Variants in VPS13B observed in about 807,000 individuals in gnomAD.
VPS13B encodes the protein vacuolar protein sorting 13 homolog B, also known as intermembrane lipid transfer protein VPS13B.
Under a neutral mutation model 426.4 loss-of-function variants are expected in VPS13B, and 285 were observed. The observed-to-expected ratio is 0.67, with a 90% CI of 0.61 to 0.74. VPS13B has a LOEUF of 0.74. Among genes scored for constraint, VPS13B ranks in the 30% least tolerant of loss-of-function variants. The pLI is 0.00. For missense variants in VPS13B, 4,537 were observed against 4,782.6 expected (o/e 0.95, Z 1.51); for synonymous variants, 1,676 against 1,676.4 (o/e 1.00, Z 0.01).
At chr8:99,175,018 T>C (rs1279344398) in intron 16 of VPS13B, among the ~76,000 whole-genome samples, 1 of 152,214 alleles carries the variant, frequency 6.6e-6, no homozygotes, top group East Asian at 1.9e-4. Flanking sequence ...ATGATTCATG[T>C]TTGAACTGAA....
At chr8:99,561,232 A>G (rs1824905079) in intron 31 of VPS13B, among the ~76,000 whole-genome samples, 1 of 152,170 alleles carries the variant, frequency 6.6e-6, no homozygotes, top group Admixed American at 6.6e-5. Context: ...ATCTGCCTCT[A>G]AATTCACCAA....
Position 99,850,491 on chromosome 8 carries a change from G to C in VPS13B, c.10061+1597G>C, listed in dbSNP as rs922401666. ...TTGGTAACAGATGTGGGGTTAATGAGTTATTTAATATGTAATTATTATTTG... is the reference window on the plus strand; with the variant it reads ...TTGGTAACAGATGTGGGGTTAATGACTTATTTAATATGTAATTATTATTTG... On this transcript the variant is annotated intron_variant, in intron 55 of 61. Coordinates refer to ENST00000357162, the MANE Select transcript of VPS13B (RefSeq NM_152564.5). 2.6e-5 allele frequency among the ~76,000 whole-genome samples: 4 copies of C among 151,904 alleles called. No individual in the cohort carries two copies. In the East Asian group the frequency reaches 7.7e-4, roughly 29 times the overall value.
At chr8:99,610,037 C>A (rs1827775465) in intron 33 of VPS13B, among the ~76,000 whole-genome samples, 1 of 152,220 alleles carries the variant, frequency 6.6e-6, no homozygotes, top group Non-Finnish European at 1.5e-5. Context: ...ACACACCCAA[C>A]TTTCTGTCCC....
intron 19 of VPS13B, chr8:99,340,648 T>C (rs1673378434): frequency 7.2e-6 from 3 of 415,358 alleles, no homozygotes; most frequent in South Asian, 2.0e-5. Flanking sequence ...CAGCACTTTC[T>C]TCCTTGCTAG....
At chr8:99,555,077 A>G (rs1051775330) in intron 30 of VPS13B, among the ~76,000 whole-genome samples, 4 of 152,040 alleles carry the variant, frequency 2.6e-5, no homozygotes, top group African/African-American at 9.7e-5. Context: ...TCCCGTGTTC[A>G]TAACTCTTTC....
chr8:99,616,776 G>C (rs540851034), intron 33 of VPS13B, among the ~76,000 whole-genome samples: 6 of 152,230 alleles, frequency 3.9e-5, no homozygotes, highest in African/African-American at 1.4e-4. Context: ...GGTGAGCCGA[G>C]ATTGCACCAG....
chr8:99,661,848 TA>T (rs1312360777), intron 35 of VPS13B, among the ~76,000 whole-genome samples: 8 of 152,138 alleles, frequency 5.3e-5, no homozygotes, highest in Non-Finnish European at 8.8e-5. Context: ...GAGGATAGAC[TA>T]GATGGATGAA....
chr8:99,029,714 G>A (rs1266383934), intron 2 of VPS13B, among the ~76,000 whole-genome samples: 1 of 151,758 alleles, frequency 6.6e-6, no homozygotes, highest in African/African-American at 2.4e-5. Flanking sequence ...GCAGTGAGCC[G>A]AGATGGCAGC....
intron 13 of VPS13B, 105 bp from the exon 14 acceptor site, chr8:99,147,736 A>G: frequency 1.4e-6 from 1 of 713,080 alleles, no homozygotes; most frequent in Non-Finnish European, 1.9e-6. Context: ...TTGAAAAGAA[A>G]AACAGGATTT....
intron 23 of VPS13B, among the ~76,000 whole-genome samples, chr8:99,460,237 A>G (rs1471745718): frequency 6.6e-6 from 1 of 151,588 alleles, no homozygotes; most frequent in Non-Finnish European, 1.5e-5. Flanking sequence ...AATTTTCTCT[A>G]TTCATTTTTG....
chr8:99,481,782 G>A lies in VPS13B; in HGVS notation c.3850G>A (p.Asp1284Asn), dbSNP rs774749984. The change falls in exon 25 of 62, where the codon GAC becomes AAC. Residue 1284 changes from aspartate (D) to asparagine (N), a missense_variant. By Grantham distance (23) the Asp-to-Asn change is conservative. Transcript: ENST00000357162. ...TACCAGCACATGCAGCCCATCTGCT[G>A]ACATTGGGACTACTACTGAGGTAAG... is the stretch of plus-strand genomic sequence containing the variant. ...PDTSTCSPSADIGTTTEGDSI... is the reference protein window; with the variant it reads ...PDTSTCSPSANIGTTTEGDSI... 1.9e-6 allele frequency: 3 copies of A among 1,613,834 alleles called. No homozygotes were observed. The highest frequency in any genetic ancestry group is 2.5e-6 in the Non-Finnish European group (3 of 1,179,792).
chr8:99,050,436 G>T (rs1300431887), intron 3 of VPS13B, among the ~76,000 whole-genome samples: 1 of 152,144 alleles, frequency 6.6e-6, no homozygotes, highest in African/African-American at 2.4e-5. Flanking sequence ...GTCTATCATT[G>T]TTGGACATGT....
chr8:99,821,653 T>C (rs1177518850), intron 50 of VPS13B, among the ~76,000 whole-genome samples, 171 bp downstream of exon 50: 4 of 152,228 alleles, frequency 2.6e-5, no homozygotes, highest in Non-Finnish European at 4.4e-5. Flanking sequence ...TACAGTGCTT[T>C]TTTTTCTTTA....
chr8:99,101,191 G>T (rs1380582133), intron 4 of VPS13B, among the ~76,000 whole-genome samples: 1 of 152,096 alleles, frequency 6.6e-6, no homozygotes, highest in Non-Finnish European at 1.5e-5. Flanking sequence ...GAGTGCAGTG[G>T]CACGATCCCG....
chr8:99,605,877 C>CT (rs1262572502), intron 33 of VPS13B, among the ~76,000 whole-genome samples: 1 of 151,962 alleles, frequency 6.6e-6, no homozygotes, highest in East Asian at 1.9e-4. Flanking sequence ...GGAGCTGAAA[C>CT]TTTTTTTGTT....
chr8:99,400,880 C>A (rs1287625905), intron 21 of VPS13B, among the ~76,000 whole-genome samples: 2 of 152,162 alleles, frequency 1.3e-5, no homozygotes, highest in Non-Finnish European at 2.9e-5. Flanking sequence ...CCATGTTGGC[C>A]AGGCTGGTCT....
intron 3 of VPS13B, among the ~76,000 whole-genome samples, chr8:99,059,925 G>T (rs550725925): frequency 6.6e-6 from 1 of 151,632 alleles, no homozygotes; most frequent in African/African-American, 2.4e-5. Flanking sequence ...TCGTAGAGAC[G>T]GGGTTTCAGC....
intron 25 of VPS13B, among the ~76,000 whole-genome samples, chr8:99,497,930 A>T (rs1050781831): frequency 1.3e-5 from 2 of 152,162 alleles, no homozygotes; most frequent in East Asian, 3.8e-4. Context: ...CAGAATGTAG[A>T]AATCATAACA....
chr8:99,114,225 C>T (rs530042516), intron 6 of VPS13B, among the ~76,000 whole-genome samples: 1 of 150,718 alleles, frequency 6.6e-6, no homozygotes, highest in South Asian at 2.1e-4. Context: ...CTCACATGAA[C>T]ATTAAGGGGA....
Sources: allele counts gnomAD v4.1 joint callset (sites outside exome capture counted in the v4.1 genomes callset), GRCh38; gene constraint gnomAD v4.1.1; transcripts MANE v1.5; gene names NCBI Gene and HGNC (gene_info 2026-07-23, HGNC 2026-07-21).